HSPA4: variants seen among roughly 807,000 people sequenced by gnomAD.
The protein encoded by HSPA4 is heat shock 70 kDa protein 4.
Under a neutral mutation model 106.2 loss-of-function variants are expected in HSPA4, and 25 were observed. The observed-to-expected ratio is 0.24, with a 90% CI of 0.17 to 0.33. HSPA4 has a LOEUF of 0.33. HSPA4 is among the 10% of genes least tolerant of loss of function. The probability of loss-of-function intolerance (pLI) is 1.00; values close to 1 mark genes in which losing one functional copy is unlikely to be tolerated. For synonymous variants in HSPA4, 332 were observed against 333.6 expected, an observed-to-expected ratio of 1.00 and a Z score of 0.05; for missense variants, 841 against 996.0, an observed-to-expected ratio of 0.84 and a Z score of 2.10.
intron 10 of HSPA4, 73 bp from the exon 11 acceptor site, chr5:133,089,489 C>A: frequency 7.3e-7 from 1 of 1,367,200 alleles, no homozygotes; most frequent in Non-Finnish European, 1.0e-6. Flanking sequence ...ACAATAATTA[C>A]AAACCTAGAA....
chr5:133,084,861 G>A (rs1366250593), intron 7 of HSPA4, among the ~76,000 whole-genome samples: 7 of 152,026 alleles, frequency 4.6e-5, no homozygotes, highest in African/African-American at 1.4e-4. Context: ...AGGCTGGAGT[G>A]CAATGGGTTG....
chr5:133,063,725 G>A (rs888367631), intron 1 of HSPA4, among the ~76,000 whole-genome samples: 9 of 148,542 alleles, frequency 6.1e-5, no homozygotes, highest in African/African-American at 1.7e-4. Flanking sequence ...GAGCCACCAC[G>A]CTCGGCCAAA....
intron 18 of HSPA4, 90 bp from the exon 19 acceptor site, chr5:133,104,143 G>C (rs985794232): frequency 7.0e-7 from 1 of 1,435,314 alleles, no homozygotes; most frequent in Admixed American, 1.8e-5. Context: ...TTGAGGATTG[G>C]GTGGTGGGAG....
In HSPA4 at chr5:133,052,152, G is replaced by A; in HGVS notation, c.-99G>A. On this transcript the variant is annotated 5_prime_UTR_variant, in exon 1 of 19. Coordinates refer to ENST00000304858, the MANE Select transcript of HSPA4 (RefSeq NM_002154.4). ...ACACCGCAAGCCCCTCAGTAGCCTCGGCCCAAGAGGCCTGCTTTCCACTCG... is the reference window on the plus strand; with the variant it reads ...ACACCGCAAGCCCCTCAGTAGCCTCAGCCCAAGAGGCCTGCTTTCCACTCG... 3.8e-6 allele frequency: 3 copies of A among 779,590 alleles called. No homozygotes were observed. The East Asian group carries it at 8.1e-5, about 21-fold the overall frequency. The allele number at this position is 779,590 out of a possible 1,614,324, so 48.3% of individuals were successfully genotyped here. A position where few individuals can be genotyped will look rare whatever the true frequency, so the allele number is the denominator to read the frequency against.
intron 17 of HSPA4, among the ~76,000 whole-genome samples, chr5:133,103,084 CAG>C (rs944033728): frequency 2.0e-5 from 3 of 151,486 alleles, no homozygotes; most frequent in African/African-American, 7.3e-5. Context: ...TTTTGTGAGA[CAG>C]GGTCTCAGTC....
chr5:133,074,967 A>G (rs1313234363), intron 6 of HSPA4, among the ~76,000 whole-genome samples: 5 of 152,202 alleles, frequency 3.3e-5, no homozygotes, highest in Non-Finnish European at 5.9e-5. Flanking sequence ...GTTGGTGCCA[A>G]GGTCTGAATT....
At chr5:133,096,575 T>C (rs964058425) in intron 14 of HSPA4, among the ~76,000 whole-genome samples, 1 of 152,222 alleles carries the variant, frequency 6.6e-6, no homozygotes, top group African/African-American at 2.4e-5. Flanking sequence ...TATTTGAGGT[T>C]GGTGGTCATG....
Position 133,052,177 on chromosome 5 carries a change from G to C in HSPA4, c.-74G>C. ...GGCCCAAGAGGCCTGCTTTCCACTC[G>C]CTAGCCCCGCCGGGGGTCCGTGTCC... On this transcript the variant is annotated 5_prime_UTR_variant, in exon 1 of 19. Transcript: ENST00000304858. 9.4e-7 allele frequency: 1 copy of C among 1,065,176 alleles called. No homozygotes were observed. The highest frequency in any genetic ancestry group is 1.4e-6 in the Non-Finnish European group (1 of 723,202). 66.0% of individuals were successfully genotyped at this position (1,065,176 alleles called of 1,614,324 possible). A position where few individuals can be genotyped will look rare whatever the true frequency, so the allele number is the denominator to read the frequency against.
intron 15 of HSPA4, among the ~76,000 whole-genome samples, chr5:133,097,549 C>CTTTTT (rs551499462): frequency 4.9e-4 from 62 of 127,522 alleles, no homozygotes; most frequent in East Asian, 6.5e-4. Context: ...CTTTTCTTTT[C>CTTTTT]TTTTTTTTTT....
At chr5:133,083,144 C>CA (rs1234574679) in intron 7 of HSPA4, among the ~76,000 whole-genome samples, 10,517 of 70,688 alleles carry the variant, frequency 0.15, 457 homozygotes, top group Middle Eastern at 0.27. Flanking sequence ...CAAAAAAATA[C>CA]AAAAAAAAAA....
chr5:133,083,065 G>A lies in HSPA4; in HGVS notation c.909-3717G>A, dbSNP rs757233933. Among the ~76,000 whole-genome samples the A allele has an allele frequency of 2.8e-4, 43 of 151,456 alleles. 1 individual carries two copies. The highest frequency in any genetic ancestry group is 4.4e-5 in the Non-Finnish European group (3 of 67,916). On this transcript the variant is annotated intron_variant, in intron 7 of 18. Transcript: ENST00000304858. ...CAGGAGAATTGCTTGGACCCGGGAG[G>A]TGGAGGCTGCAGTGAGCCGAGATAC...
At chr5:133,085,688 CA>C (rs907506283) in intron 7 of HSPA4, among the ~76,000 whole-genome samples, 115 of 150,680 alleles carry the variant, frequency 7.6e-4, no homozygotes, top group Non-Finnish European at 1.4e-3. Context: ...CCCCGCCCCC[CA>C]AAAAAAACTA....
chr5:133,072,595 T>C (rs112028195), intron 4 of HSPA4, among the ~76,000 whole-genome samples: 17 of 149,504 alleles, frequency 1.1e-4, no homozygotes, highest in African/African-American at 4.2e-4. Flanking sequence ...TTTGTAGAGA[T>C]GGGGTTTCAC....
At chr5:133,069,274 CAA>C (rs1765351677) in intron 3 of HSPA4, among the ~76,000 whole-genome samples, 1 of 149,386 alleles carries the variant, frequency 6.7e-6, no homozygotes, top group African/African-American at 2.5e-5. Context: ...TTTTTTGAGA[CAA>C]TATCACTGTG....
At chr5:133,082,149 C>T (rs563370501) in intron 7 of HSPA4, among the ~76,000 whole-genome samples, 4 of 152,196 alleles carry the variant, frequency 2.6e-5, no homozygotes, top group Non-Finnish European at 4.4e-5. Context: ...CAAAAGTTCA[C>T]GCTGCTGAAA....
intron 16 of HSPA4, 141 bp from the exon 17 acceptor site, chr5:133,101,618 A>T: frequency 1.4e-6 from 1 of 731,154 alleles, no homozygotes; most frequent in Non-Finnish European, 2.2e-6. Flanking sequence ...GTAGCTTCAT[A>T]TTTCCAAAGG....
intron 7 of HSPA4, among the ~76,000 whole-genome samples, chr5:133,079,174 A>T (rs907827734): frequency 6.6e-6 from 1 of 152,236 alleles, no homozygotes; most frequent in African/African-American, 2.4e-5. Flanking sequence ...AAGCATTTTA[A>T]AGTAAACAAT....
chr5:133,091,212 A>G lies in HSPA4; in HGVS notation c.1398A>G (p.Lys466=), dbSNP rs139104288. The G allele has an allele frequency of 3.6e-5, 58 of 1,613,934 alleles. No individual in the cohort carries two copies. The Admixed American group carries it at 5.3e-4, about 15-fold the overall frequency. ...DPAIAQFSVQ[K]VTPQSDGSSS... is the part of the protein sequence containing the mutation. ...CCCTAGCTCAGTTTTCAGTTCAGAA[A>G]GTCACTCCTCAGTCTGATGGCTCCA... The change falls in exon 12 of 19, where the codon AAA becomes AAG. Residue 466 remains lysine, a synonymous_variant. Coordinates refer to ENST00000304858, the MANE Select transcript of HSPA4 (RefSeq NM_002154.4).
Position 133,105,259 on chromosome 5 carries a change from G to A in HSPA4, c.*823G>A, listed in dbSNP as rs1337974834. 1 of 152,202 alleles carries A rather than the reference G, an allele frequency of 6.6e-6. No individual in the cohort carries two copies. Among genetic ancestry groups the A allele is most frequent in the Admixed American group, 6.5e-5 (1 of 15,282 alleles). The allele number at this position is 152,202 out of a possible 1,614,324, so 9.4% of individuals were successfully genotyped here. ...GGTGTAAAGATTTGTATCCTGGCCTGTTTATTCAGGTGGGAGATGTTCTGT... is the reference window on the plus strand; with the variant it reads ...GGTGTAAAGATTTGTATCCTGGCCTATTTATTCAGGTGGGAGATGTTCTGT... On this transcript the variant is annotated 3_prime_UTR_variant, in exon 19 of 19. Coordinates refer to ENST00000304858, the MANE Select transcript of HSPA4 (RefSeq NM_002154.4).
Sources: allele counts gnomAD v4.1 joint callset (sites outside exome capture counted in the v4.1 genomes callset), GRCh38; gene constraint gnomAD v4.1.1; transcripts MANE v1.5; gene names NCBI Gene and HGNC (gene_info 2026-07-23, HGNC 2026-07-21).